SNX30: variants seen among roughly 807,000 people sequenced by gnomAD.
The protein encoded by SNX30 is sorting nexin-30.
In SNX30, 24 loss-of-function variants were observed where a neutral mutation model predicts 46.4. That is an observed-to-expected ratio of 0.52 (90% CI 0.37 to 0.73). SNX30 has a LOEUF of 0.73. Among genes scored for constraint, SNX30 ranks in the 30% least tolerant of loss-of-function variants. SNX30 has a pLI of 0.00. For synonymous variants in SNX30, 189 were observed against 211.5 expected, an observed-to-expected ratio of 0.89 and a Z score of 0.92; for missense variants, 533 against 555.7, an observed-to-expected ratio of 0.96 and a Z score of 0.41.
In SNX30 at chr9:112,768,644, C is replaced by CTTCTTCTTT. The variant is rs1839587157; in HGVS notation, c.156+17492_156+17493insCTTTTTCTT. Among the ~76,000 whole-genome samples the CTTCTTCTTT allele has an allele frequency of 8.7e-5, 4 of 46,232 alleles. 1 individual carries two copies. The highest frequency in any genetic ancestry group is 7.7e-5 in the Non-Finnish European group (2 of 25,884). The allele number at this position is 46,232 out of a possible 152,430, so 30.3% of individuals were successfully genotyped here. On this transcript the variant is annotated intron_variant, in intron 1 of 8. Coordinates refer to ENST00000374232, the MANE Select transcript of SNX30 (RefSeq NM_001012994.2). ...GTAAAGTTTCTCTAGATAATTCTTT[C>CTTCTTCTTT]TTCTTTTTTTTTTTTTTTTTTTTTT...
chr9:112,758,593 G>T (rs1344487965), intron 1 of SNX30, among the ~76,000 whole-genome samples: 5 of 152,108 alleles, frequency 3.3e-5, no homozygotes, highest in African/African-American at 1.2e-4. Context: ...ACGGGGTTTC[G>T]CCATGTTGGC....
intron 4 of SNX30, 103 bp from the exon 5 acceptor site, chr9:112,836,111 A>G: frequency 8.9e-7 from 1 of 1,124,306 alleles, no homozygotes; most frequent in South Asian, 1.7e-5. Flanking sequence ...TTGTTTCCCG[A>G]GTTCTCCATT....
intron 1 of SNX30, among the ~76,000 whole-genome samples, chr9:112,767,773 A>G (rs1190762321): frequency 6.6e-6 from 1 of 151,416 alleles, no homozygotes; most frequent in East Asian, 1.9e-4. Context: ...TTATTTATTT[A>G]TTTATTTGTA....
rs375783696 is a variant in SNX30, at chr9:112,868,794, C to T, written c.1265C>T (p.Ala422Val). The change falls in exon 9 of 9, where the codon GCG (alanine) becomes GTG (valine). Residue 422 changes from alanine to valine, a missense_variant. Physicochemically the swap from Ala to Val is moderately conservative, Grantham distance 64. Around this residue, in one of 3 missense-constraint regions of SNX30, gnomAD observed 261 missense variants for 270.9 expected, o/e 0.96. Transcript: ENST00000374232. The stretch of plus-strand genomic sequence containing the variant: ...ATGTTGTCGTTCCAGTGCCTCATGG[C>T]GTGGGAGTCGATTATTCCACTACTG... ...NIQYYEKCLM[A>V]WESIIPLLQE... 3.1e-6 allele frequency: 5 copies of T among 1,613,912 alleles called. No homozygotes were observed. Among genetic ancestry groups the T allele is most frequent in the Non-Finnish European group, 3.4e-6 (4 of 1,179,928 alleles).
intron 7 of SNX30, among the ~76,000 whole-genome samples, chr9:112,859,978 G>A (rs1328955165): frequency 6.9e-6 from 1 of 145,842 alleles, no homozygotes; most frequent in Non-Finnish European, 1.5e-5. Context: ...ATGGAGTCTC[G>A]CTCTGTCGCC....
chr9:112,781,305 A>G (rs1420683084), intron 1 of SNX30, among the ~76,000 whole-genome samples: 1 of 152,212 alleles, frequency 6.6e-6, no homozygotes, highest in African/African-American at 2.4e-5. Context: ...TGCCTTTTAA[A>G]TACTGATTTT....
At chr9:112,881,946 A>T (rs1262422991), downstream of SNX30, among the ~76,000 whole-genome samples, 1 of 152,088 alleles carries the variant, frequency 6.6e-6, no homozygotes, top group Non-Finnish European at 1.5e-5. Context: ...GGGTGGGAAA[A>T]AGTTGTGGAT....
chr9:112,770,263 C>A (rs1481761287), intron 1 of SNX30, among the ~76,000 whole-genome samples: 2 of 151,986 alleles, frequency 1.3e-5, no homozygotes, highest in Non-Finnish European at 2.9e-5. Context: ...CCTCTGTTTC[C>A]TGGGTGCAAG....
intron 1 of SNX30, among the ~76,000 whole-genome samples, chr9:112,797,785 C>G (rs1325465740): frequency 6.8e-6 from 1 of 147,542 alleles, no homozygotes; most frequent in East Asian, 2.0e-4. Flanking sequence ...TCCCGGCTCA[C>G]TGCAACCTCT....
At chr9:112,854,387 C>T (rs552004441) in intron 7 of SNX30, among the ~76,000 whole-genome samples, 1 of 152,342 alleles carries the variant, frequency 6.6e-6, no homozygotes, top group Admixed American at 6.5e-5. Flanking sequence ...TTCCTGGACA[C>T]TACTTACCCA....
intron 1 of SNX30, among the ~76,000 whole-genome samples, chr9:112,782,574 A>G (rs1839863299): frequency 6.6e-6 from 1 of 152,166 alleles, no homozygotes. Context: ...TTATTTTTGC[A>G]TTTAGCATTA....
intron 1 of SNX30, among the ~76,000 whole-genome samples, chr9:112,757,321 G>A (rs1028126960): frequency 6.6e-6 from 1 of 152,208 alleles, no homozygotes; most frequent in Non-Finnish European, 1.5e-5. Context: ...CAAATGACAA[G>A]ATGTCATTCT....
At chr9:112,770,825 A>G (rs1039845890) in intron 1 of SNX30, among the ~76,000 whole-genome samples, 8 of 151,996 alleles carry the variant, frequency 5.3e-5, no homozygotes, top group African/African-American at 1.4e-4. Context: ...GTGAAACCCC[A>G]TCTCTACTAA....
chr9:112,768,656 T>C (rs60811923), intron 1 of SNX30, among the ~76,000 whole-genome samples: 7,088 of 47,330 alleles, frequency 0.15, 935 homozygotes, highest in African/African-American at 0.38. Context: ...TCTTTTTTTT[T>C]TTTTTTTTTT....
At chr9:112,766,054 G>T (rs562295425) in intron 1 of SNX30, among the ~76,000 whole-genome samples, 2 of 152,022 alleles carry the variant, frequency 1.3e-5, no homozygotes, top group Admixed American at 6.6e-5. Context: ...CACCTGCCTC[G>T]GCCTCCCAAA....
chr9:112,866,969 T>TG lies in SNX30; in HGVS notation c.1255-1815_1255-1814insG, dbSNP rs1564297888. On this transcript the variant is annotated intron_variant, in intron 8 of 8. Transcript: ENST00000374232. ...ATTCCTCCTCCCTCCTCAGAACTCC[T>TG]CCTCCTTCCTCAGAATTCCTTCTCC... 1.9e-3 allele frequency among the ~76,000 whole-genome samples: 266 copies of TG among 140,156 alleles called. 62 individuals are homozygous for TG. Among genetic ancestry groups the TG allele is most frequent in the Non-Finnish European group, 2.6e-3 (170 of 64,334 alleles). The allele number at this position is 140,156 out of a possible 152,430, so 91.9% of individuals were successfully genotyped here.
intron 1 of SNX30, among the ~76,000 whole-genome samples, chr9:112,788,366 G>A (rs1839964159): frequency 2.0e-5 from 3 of 152,156 alleles, no homozygotes; most frequent in East Asian, 1.9e-4. Flanking sequence ...AGTGCACTCC[G>A]CGTGTGTAGT....
chr9:112,864,427 T>A, intron 8 of SNX30, 28 bp downstream of exon 8: 2 of 1,613,584 alleles, frequency 1.2e-6, no homozygotes, highest in South Asian at 1.1e-5. Flanking sequence ...CAAGACTGGT[T>A]TCTAATGGCC....
At chr9:112,822,083 A>G (rs911351587) in intron 3 of SNX30, among the ~76,000 whole-genome samples, 2 of 151,724 alleles carry the variant, frequency 1.3e-5, no homozygotes, top group Non-Finnish European at 2.9e-5. Flanking sequence ...TGCCTGGCTA[A>G]TTCTTTTTTT....
Sources: allele counts gnomAD v4.1 joint callset (sites outside exome capture counted in the v4.1 genomes callset), GRCh38; gene constraint gnomAD v4.1.1; regional missense constraint gnomAD v4.1.1; transcripts MANE v1.5; gene names NCBI Gene and HGNC (gene_info 2026-07-23, HGNC 2026-07-21).